Variants in C8orf34 observed in about 807,000 individuals in gnomAD.
The protein encoded by C8orf34 is uncharacterized protein C8orf34.
In C8orf34, 65 loss-of-function variants were observed where a neutral mutation model predicts 68.3. That is an observed-to-expected ratio of 0.95 (90% CI 0.78 to 1.17). The LOEUF is 1.17. C8orf34 is among the 50% of genes most tolerant of loss of function. The probability of loss-of-function intolerance (pLI) is 0.00; values close to 1 mark genes in which losing one functional copy is unlikely to be tolerated. For synonymous variants in C8orf34, 244 were observed against 241.2 expected (o/e 1.01, Z -0.11); for missense variants, 664 against 655.4 (o/e 1.01, Z -0.14).
At chr8:68,594,162 A>G (rs1193777482) in intron 7 of C8orf34, among the ~76,000 whole-genome samples, 2 of 152,048 alleles carry the variant, frequency 1.3e-5, no homozygotes, top group Non-Finnish European at 1.5e-5. Context: ...CTGATTGGTC[A>G]TCTAAAGTTC....
At chr8:68,331,568 G>C in intron 1 of C8orf34, 1 of 575,870 alleles carries the variant, frequency 1.7e-6, no homozygotes, top group Non-Finnish European at 3.2e-6. Flanking sequence ...AGGTGAGCTC[G>C]GGAGGGCCCA....
intron 1 of C8orf34, among the ~76,000 whole-genome samples, chr8:68,350,244 G>T (rs144803867): frequency 9.2e-5 from 14 of 151,484 alleles, no homozygotes; most frequent in African/African-American, 3.4e-4. Flanking sequence ...GCATGATTTT[G>T]AGTGATTTTC....
chr8:68,643,827 A>T (rs1006767172), intron 8 of C8orf34, among the ~76,000 whole-genome samples: 68 of 152,336 alleles, frequency 4.5e-4, no homozygotes, highest in African/African-American at 1.5e-3. Flanking sequence ...ATAAAAAAAA[A>T]TCAGGATATC....
intron 12 of C8orf34, among the ~76,000 whole-genome samples, chr8:68,794,811 A>G (rs1410432599): frequency 6.6e-6 from 1 of 151,990 alleles, no homozygotes; most frequent in Non-Finnish European, 1.5e-5. Flanking sequence ...TGTATTATAC[A>G]TACCAGTTGA....
chr8:68,389,950 A>C (rs979659029), intron 1 of C8orf34, among the ~76,000 whole-genome samples: 1 of 152,140 alleles, frequency 6.6e-6, no homozygotes, highest in African/African-American at 2.4e-5. Context: ...CTAAGGTGTT[A>C]TGTATTAAGC....
intron 5 of C8orf34, among the ~76,000 whole-genome samples, chr8:68,508,491 GT>G (rs1195868669): frequency 2.0e-5 from 3 of 152,068 alleles, no homozygotes; most frequent in Non-Finnish European, 4.4e-5. Flanking sequence ...CCATAGCTAC[GT>G]ACTAATTTAC....
chr8:68,331,354 A>T lies in C8orf34; in HGVS notation c.327+15A>T, dbSNP rs528068053. On this transcript the variant is annotated intron_variant, in intron 1 of 13. Coordinates refer to ENST00000518698, the MANE Select transcript of C8orf34 (RefSeq NM_052958.4). ...CCCTGTTTGAGGTAAGGCGCTGTGG[A>T]GGAGGGCAGTCCCGTTGTCTTTAGG... 98 of 1,535,670 alleles carry T rather than the reference A, an allele frequency of 6.4e-5. 1 individual carries two copies. The South Asian group carries it at 1.1e-3, about 17-fold the overall frequency.
intron 8 of C8orf34, among the ~76,000 whole-genome samples, chr8:68,659,843 C>A (rs1190139652): frequency 2.0e-5 from 3 of 152,068 alleles, no homozygotes; most frequent in African/African-American, 7.2e-5. Flanking sequence ...ATATCAGAAA[C>A]CTACCTTTAA....
intron 1 of C8orf34, among the ~76,000 whole-genome samples, chr8:68,422,132 A>G (rs1405440110): frequency 6.6e-6 from 1 of 152,136 alleles, no homozygotes; most frequent in Non-Finnish European, 1.5e-5. Context: ...GCCCCTCCCA[A>G]ATCTCATGTC....
chr8:68,607,998 C>T (rs898304353), intron 7 of C8orf34, among the ~76,000 whole-genome samples: 1 of 151,984 alleles, frequency 6.6e-6, no homozygotes, highest in Non-Finnish European at 1.5e-5. Context: ...GTAAACAGAA[C>T]TTTCTGGTCA....
chr8:68,747,559 AC>A (rs1822544191), intron 10 of C8orf34, among the ~76,000 whole-genome samples: 1 of 151,046 alleles, frequency 6.6e-6, no homozygotes, highest in Non-Finnish European at 1.5e-5. Flanking sequence ...AAATCAATGT[AC>A]AAAAATCACA....
chr8:68,466,738 C>CATATATATATATATATAT lies in C8orf34; in HGVS notation c.608-1944_608-1927dup, dbSNP rs35661495. On this transcript the variant is annotated intron_variant, in intron 3 of 13. Transcript: ENST00000518698. The stretch of plus-strand genomic sequence containing the variant: ...TTCTGTGAAAATAAACAACGTTGTA[C>CATATATATATATATATAT]ATATATATATATATATATATATATA... Among the ~76,000 whole-genome samples, 252 of 120,490 alleles carry CATATATATATATATATAT rather than the reference C, an allele frequency of 2.1e-3. 7 individuals carry two copies. The highest frequency in any genetic ancestry group is 4.8e-3 in the African/African-American group (129 of 27,152). 79.0% of individuals were successfully genotyped at this position (120,490 alleles called of 152,430 possible). A position where few individuals can be genotyped will look rare whatever the true frequency, so the allele number is the denominator to read the frequency against.
At chr8:68,753,971 T>C (rs2129527730) in intron 10 of C8orf34, among the ~76,000 whole-genome samples, 1 of 152,286 alleles carries the variant, frequency 6.6e-6, no homozygotes, top group East Asian at 1.9e-4. Flanking sequence ...AGTCATGCTC[T>C]AGTCAGGAGC....
chr8:68,635,787 T>C (rs924304330), intron 7 of C8orf34, among the ~76,000 whole-genome samples: 1 of 152,200 alleles, frequency 6.6e-6, no homozygotes, highest in Non-Finnish European at 1.5e-5. Context: ...GTTATATTGA[T>C]GAGAAACACA....
intron 1 of C8orf34, among the ~76,000 whole-genome samples, chr8:68,407,326 C>G (rs1407770853): frequency 1.3e-5 from 2 of 151,916 alleles, no homozygotes; most frequent in Non-Finnish European, 2.9e-5. Flanking sequence ...CCCTGGCCCC[C>G]CATTTGATTT....
chr8:68,742,790 T>C (rs528360002), intron 10 of C8orf34, among the ~76,000 whole-genome samples: 2 of 152,278 alleles, frequency 1.3e-5, no homozygotes, highest in Admixed American at 1.3e-4. Flanking sequence ...AGTGAAAATA[T>C]ATTTCTACAT....
intron 9 of C8orf34, among the ~76,000 whole-genome samples, chr8:68,720,494 T>C (rs1227420506): frequency 6.6e-6 from 1 of 151,908 alleles, no homozygotes; most frequent in African/African-American, 2.4e-5. Context: ...TACATAAAGC[T>C]AAAGGAAAAT....
Position 68,735,198 on chromosome 8 carries a change from T to A in C8orf34, c.1404+13761T>A, listed in dbSNP as rs188004498. Among the ~76,000 whole-genome samples the A allele has an allele frequency of 8.8e-4, 133 of 150,560 alleles. 1 individual carries two copies. The highest frequency in any genetic ancestry group is 3.2e-3 in the African/African-American group (129 of 39,942). ...ATTCAAATAATCACTTTCCCACTAG[T>A]TTCTGGAGGCCAGGGAGTATGTACC... On this transcript the variant is annotated intron_variant, in intron 10 of 13. Coordinates refer to ENST00000518698, the MANE Select transcript of C8orf34 (RefSeq NM_052958.4).
At chr8:68,813,533 G>A (rs1288066249) in intron 12 of C8orf34, among the ~76,000 whole-genome samples, 3 of 151,956 alleles carry the variant, frequency 2.0e-5, no homozygotes, top group Non-Finnish European at 4.4e-5. Flanking sequence ...GTTCTTCAGT[G>A]GTATTAAAAT....
Sources: allele counts gnomAD v4.1 joint callset (sites outside exome capture counted in the v4.1 genomes callset), GRCh38; gene constraint gnomAD v4.1.1; transcripts MANE v1.5; gene names NCBI Gene and HGNC (gene_info 2026-07-23, HGNC 2026-07-21).